PARD6G: variants seen among roughly 807,000 people sequenced by gnomAD.
PARD6G encodes the protein partitioning defective 6 homolog gamma.
PARD6G carries 7 observed loss-of-function variants against 10.7 expected under a neutral mutation model. The observed-to-expected ratio is 0.66, with a 90% CI of 0.37 to 1.23. The LOEUF (loss-of-function observed/expected upper bound fraction) is 1.23, where lower values mean the gene tolerates loss of function less well. Ranked by LOEUF, PARD6G falls within the 50% of genes most tolerant of loss-of-function variation. PARD6G has a pLI of 0.02. For synonymous variants in PARD6G, 287 were observed against 269.4 expected (o/e 1.07, Z -0.64); for missense variants, 548 against 571.8 (o/e 0.96, Z 0.42).
At chr18:80,196,265 T>C (rs922843715) in intron 2 of PARD6G, among the ~76,000 whole-genome samples, 2 of 152,234 alleles carry the variant, frequency 1.3e-5, no homozygotes, top group African/African-American at 4.8e-5. Context: ...TGTGTAAAAC[T>C]ACGTCCAACT....
chr18:80,210,657 T>G (rs996852980), intron 1 of PARD6G, among the ~76,000 whole-genome samples: 2 of 152,260 alleles, frequency 1.3e-5, no homozygotes, highest in Admixed American at 1.3e-4. Context: ...TAAAAAAAAG[T>G]TTTTTTCCAT....
chr18:80,200,800 G>C lies in PARD6G; in HGVS notation c.295+1910C>G, dbSNP rs1336665544. Among the ~76,000 whole-genome samples, 1 of 152,162 alleles carries C rather than the reference G, an allele frequency of 6.6e-6. No homozygotes were observed. The highest frequency in any genetic ancestry group is 1.9e-4 in the East Asian group (1 of 5,186). ...GCTGGAGGTTAGCACGTTCCCATGG[G>C]CAACACACAAGCCCACTTTCTGGTC... is the stretch of plus-strand genomic sequence containing the variant. On this transcript the variant is annotated intron_variant, in intron 2 of 2. Transcript: ENST00000353265. The surrounding 1 kb of genome is among the most constrained non-coding windows in gnomAD (Gnocchi z 4.4).
chr18:80,177,888 G>T (rs1387107337), intron 2 of PARD6G, among the ~76,000 whole-genome samples: 1 of 147,270 alleles, frequency 6.8e-6, no homozygotes, highest in African/African-American at 2.5e-5. Flanking sequence ...CACCACACAT[G>T]CATGAAATAA....
intron 1 of PARD6G, among the ~76,000 whole-genome samples, chr18:80,219,726 A>T (rs1599870275): frequency 6.6e-6 from 1 of 152,236 alleles, no homozygotes; most frequent in East Asian, 1.9e-4. Flanking sequence ...ACAAGTTCCT[A>T]ATCTCCATCT....
rs965791836 is a variant in PARD6G at position 80,160,610 on chromosome 18, C to T, written c.296-4G>A. 21 of 1,440,566 alleles carry T rather than the reference C, an allele frequency of 1.5e-5. No homozygotes were observed. The Admixed American group carries it at 2.6e-4, about 18-fold the overall frequency. The allele number at this position is 1,440,566 out of a possible 1,614,324, so 89.2% of individuals were successfully genotyped here. On this transcript the variant is annotated splice_polypyrimidine_tract_variant and splice_region_variant and intron_variant, in intron 2 of 2. Coordinates refer to ENST00000353265, the MANE Select transcript of PARD6G (RefSeq NM_032510.4). ...AGGCTGCCACGCTCGGCCTCCTCTGCGGGAGAGGGGACAGTTAGAGGGGAC... is the reference window on the plus strand; with the variant it reads ...AGGCTGCCACGCTCGGCCTCCTCTGTGGGAGAGGGGACAGTTAGAGGGGAC...
chr18:80,232,395 G>A lies in PARD6G; in HGVS notation c.72+14882C>T, dbSNP rs560418920. ...TCACGCTGCTGATAAAGACATACCC[G>A]AGACTGGGAAGTAAAAGAGGTTTAA... On this transcript the variant is annotated intron_variant, in intron 1 of 2. Transcript: ENST00000353265. Among the ~76,000 whole-genome samples, 15 of 152,180 alleles carry A rather than the reference G, an allele frequency of 9.9e-5. No homozygotes were observed. The East Asian group carries it at 1.9e-3, about 20-fold the overall frequency.
In PARD6G at chr18:80,231,283, C is replaced by T. The variant is rs1024340825; in HGVS notation, c.72+15994G>A. Reference sequence around the variant, plus strand: ...GTGTGTGAGGCGTGAGCACAGGCTGCGCATCTGTCCCTGCCTTCATAAGAC... The same window carrying T: ...GTGTGTGAGGCGTGAGCACAGGCTGTGCATCTGTCCCTGCCTTCATAAGAC... On this transcript the variant is annotated intron_variant, in intron 1 of 2. Coordinates refer to ENST00000353265, the MANE Select transcript of PARD6G (RefSeq NM_032510.4). The surrounding 1 kb of genome is among the most constrained non-coding windows in gnomAD (Gnocchi z 4.2). Among the ~76,000 whole-genome samples the T allele has an allele frequency of 2.0e-5, 3 of 152,206 alleles. No individual in the cohort carries two copies. The highest frequency in any genetic ancestry group is 7.2e-5 in the African/African-American group (3 of 41,448).
intron 1 of PARD6G, among the ~76,000 whole-genome samples, chr18:80,235,748 T>G (rs1430991744): frequency 2.0e-5 from 3 of 152,142 alleles, no homozygotes; most frequent in East Asian, 3.8e-4. Context: ...CTAGAAAATC[T>G]AGAAGAAATG....
In PARD6G at chr18:80,201,457, G is replaced by C. The variant is rs1253183068; in HGVS notation, c.295+1253C>G. ...GGTCCTTGCCCCCAGCAACCCCGAA[G>C]GACTGATGTGGAAGCTGAAGCTCAG... On this transcript the variant is annotated intron_variant, in intron 2 of 2. Transcript: ENST00000353265. The surrounding 1 kb of genome is among the most constrained non-coding windows in gnomAD (Gnocchi z 5.9). 1.3e-5 allele frequency among the ~76,000 whole-genome samples: 2 copies of C among 152,194 alleles called. No homozygotes were observed. Among genetic ancestry groups the C allele is most frequent in the Non-Finnish European group, 2.9e-5 (2 of 68,030 alleles).
At chr18:80,164,836 G>T (rs1222662147) in intron 2 of PARD6G, among the ~76,000 whole-genome samples, 1 of 152,170 alleles carries the variant, frequency 6.6e-6, no homozygotes, top group Non-Finnish European at 1.5e-5. Context: ...ACGGGAGGGG[G>T]TGTAAAACAG....
chr18:80,239,154 G>T (rs1236392741), intron 1 of PARD6G, among the ~76,000 whole-genome samples: 3 of 152,112 alleles, frequency 2.0e-5, no homozygotes, highest in African/African-American at 7.2e-5. Context: ...GGAGAGGTGG[G>T]GCAGGGGCCA....
chr18:80,194,841 A>G (rs2145274448), intron 2 of PARD6G, among the ~76,000 whole-genome samples: 1 of 152,260 alleles, frequency 6.6e-6, no homozygotes, highest in East Asian at 1.9e-4. Context: ...GTGAGGTGTC[A>G]GCATGAGGAG....
Position 80,182,918 on chromosome 18 carries a change from G to C in PARD6G, c.295+19792C>G, listed in dbSNP as rs149805823. The C allele has an allele frequency of 1.7e-6, 1 of 586,950 alleles. No homozygotes were observed. Among genetic ancestry groups the C allele is most frequent in the East Asian group, 2.8e-5 (1 of 35,756 alleles). 36.4% of individuals were successfully genotyped at this position (586,950 alleles called of 1,614,324 possible). A position where few individuals can be genotyped will look rare whatever the true frequency, so the allele number is the denominator to read the frequency against. On this transcript the variant is annotated intron_variant, in intron 2 of 2. Coordinates refer to ENST00000353265, the MANE Select transcript of PARD6G (RefSeq NM_032510.4). This position sits in a 1 kb window ranked among gnomAD's most constrained non-coding sequence, Gnocchi z 4.5. ...GGGCTAGATGTTTGGCTGAAGCTGCGTGTGCCACAACACTGCAGGCCCCAC... is the reference window on the plus strand; with the variant it reads ...GGGCTAGATGTTTGGCTGAAGCTGCCTGTGCCACAACACTGCAGGCCCCAC...
At chr18:80,222,510 G>A (rs1012971346) in intron 1 of PARD6G, among the ~76,000 whole-genome samples, 2 of 152,052 alleles carry the variant, frequency 1.3e-5, no homozygotes, top group Admixed American at 6.5e-5. Flanking sequence ...TAAATTCAAA[G>A]GTCTCACTAT....
intron 1 of PARD6G, among the ~76,000 whole-genome samples, chr18:80,204,267 T>C (rs764861326): frequency 1.4e-4 from 22 of 152,188 alleles, no homozygotes; most frequent in Non-Finnish European, 3.2e-4. Context: ...AGACATTGTA[T>C]GAATGAGTCA....
At position 80,192,384 on chromosome 18, in the gene PARD6G, T is replaced by A. The variant is rs924273384; in HGVS notation, c.295+10326A>T. ...TGGAGCCCTTAGGTGAGGCCTCAAC[T>A]GAATGCCAACCCTAACTGAAGCCAC... On this transcript the variant is annotated intron_variant, in intron 2 of 2. Coordinates refer to ENST00000353265, the MANE Select transcript of PARD6G (RefSeq NM_032510.4). The surrounding 1 kb of genome is among the most constrained non-coding windows in gnomAD (Gnocchi z 4.9). Among the ~76,000 whole-genome samples, 2 of 151,910 alleles carry A rather than the reference T, an allele frequency of 1.3e-5. No homozygotes were observed. Among genetic ancestry groups the A allele is most frequent in the Non-Finnish European group, 2.9e-5 (2 of 68,010 alleles).
intron 2 of PARD6G, among the ~76,000 whole-genome samples, chr18:80,177,025 G>GCACACACA (rs111315126): frequency 4.4e-4 from 61 of 137,122 alleles, no homozygotes; most frequent in Admixed American, 5.1e-4. Flanking sequence ...GCGCGCGCGT[G>GCACACACA]CACACACACA....
rs555660461 is a variant in PARD6G, at chr18:80,183,944, C to T, written c.295+18766G>A. On this transcript the variant is annotated intron_variant, in intron 2 of 2. Coordinates refer to ENST00000353265, the MANE Select transcript of PARD6G (RefSeq NM_032510.4). The surrounding 1 kb of genome is among the most constrained non-coding windows in gnomAD (Gnocchi z 4.5). ...ATTCCAGTGTCCTGTGCAGTGATGA[C>T]CACACTGTTAGAAGCATTTTAACTC... 6.6e-6 allele frequency: 1 copy of T among 152,326 alleles called. No individual in the cohort carries two copies. The highest frequency in any genetic ancestry group is 1.9e-4 in the East Asian group (1 of 5,186). The allele number at this position is 152,326 out of a possible 1,614,324, so 9.4% of individuals were successfully genotyped here.
intron 1 of PARD6G, among the ~76,000 whole-genome samples, chr18:80,245,149 A>G (rs1445372044): frequency 2.6e-5 from 4 of 152,148 alleles, no homozygotes; most frequent in Non-Finnish European, 4.4e-5. Flanking sequence ...AGGCAGGCTG[A>G]CACCCCAGGG....
Sources: allele counts gnomAD v4.1 joint callset (sites outside exome capture counted in the v4.1 genomes callset), GRCh38; gene constraint gnomAD v4.1.1; non-coding constraint Gnocchi (gnomAD v3.1); transcripts MANE v1.5; gene names NCBI Gene and HGNC (gene_info 2026-07-23, HGNC 2026-07-21).